Variants in STOML3 observed in about 807,000 individuals in gnomAD.
STOML3 encodes the protein stomatin-like protein 3.
A neutral mutation model predicts 29.5 loss-of-function variants in STOML3; 31 were observed. That is an observed-to-expected ratio of 1.05 (90% CI 0.79 to 1.42). The LOEUF is 1.42. Among genes scored for constraint, STOML3 ranks in the 40% most tolerant of loss-of-function variants. The pLI is 0.00. For missense variants in STOML3, 380 were observed against 363.0 expected, an observed-to-expected ratio of 1.05 and a Z score of -0.38; for synonymous variants, 122 against 139.8, an observed-to-expected ratio of 0.87 and a Z score of 0.90.
At chr13:38,971,992 A>C (rs967050229) in intron 4 of STOML3, among the ~76,000 whole-genome samples, 2 of 152,196 alleles carry the variant, frequency 1.3e-5, no homozygotes, top group African/African-American at 4.8e-5. Context: ...GGCCCTGTAC[A>C]GCCTCTCCTC....
At position 38,980,177 on chromosome 13, in the gene STOML3, A is replaced by T. The variant is rs374015925; in HGVS notation, c.53-3380T>A. ...AAGAGAATGTGACTATTCTTCCAAG[A>T]TTTACACTGGAGCATTAGAATCACC... On this transcript the variant is annotated intron_variant, in intron 1 of 6. Coordinates refer to ENST00000379631, the MANE Select transcript of STOML3 (RefSeq NM_145286.3). 2.7e-5 allele frequency: 42 copies of T among 1,528,324 alleles called. No homozygotes were observed. In the East Asian group the frequency reaches 3.7e-4, roughly 13 times the overall value. The allele number at this position is 1,528,324 out of a possible 1,614,324, so 94.7% of individuals were successfully genotyped here.
At chr13:38,983,038 C>A (rs1211444551) in intron 1 of STOML3, among the ~76,000 whole-genome samples, 1 of 152,150 alleles carries the variant, frequency 6.6e-6, no homozygotes, top group African/African-American at 2.4e-5. Context: ...CCCTATCCCT[C>A]TGTTACATGA....
At chr13:38,973,566 G>A (rs1467902725) in intron 3 of STOML3, among the ~76,000 whole-genome samples, 1 of 152,070 alleles carries the variant, frequency 6.6e-6, no homozygotes, top group African/African-American at 2.4e-5. Flanking sequence ...AATTCCACTC[G>A]TGAGGGTGAT....
At chr13:38,988,389 TATATTTTATATAAAATATATG>T (rs1386884672) in intron 1 of STOML3, among the ~76,000 whole-genome samples, 36 of 92,474 alleles carry the variant, frequency 3.9e-4, no homozygotes, top group East Asian at 1.5e-3. Context: ...TTTTATATCA[TATATTTTATATAAAATATATG>T]ATATTTTATA....
rs377321186 is a variant in STOML3 at position 38,975,038 on chromosome 13, T to C, written c.229+1502A>G. ...TGAAATTAGACAAGTAAGATTATACTTGAAATGGCTGCTGGGCGTGGTGGC... is the reference window on the plus strand; with the variant it reads ...TGAAATTAGACAAGTAAGATTATACCTGAAATGGCTGCTGGGCGTGGTGGC... On this transcript the variant is annotated intron_variant, in intron 3 of 6. Coordinates refer to ENST00000379631, the MANE Select transcript of STOML3 (RefSeq NM_145286.3). Among the ~76,000 whole-genome samples, 245 of 152,208 alleles carry C rather than the reference T, an allele frequency of 1.6e-3. 2 individuals are homozygous for C. Among genetic ancestry groups the C allele is most frequent in the Non-Finnish European group, 5.0e-4 (34 of 67,996 alleles).
chr13:38,973,410 A>T (rs1164047836), intron 3 of STOML3, among the ~76,000 whole-genome samples: 1 of 152,220 alleles, frequency 6.6e-6, no homozygotes, highest in Non-Finnish European at 1.5e-5. Flanking sequence ...AGTTTATTTC[A>T]TATAGTTCTG....
intron 1 of STOML3, among the ~76,000 whole-genome samples, chr13:38,979,118 A>G (rs1443966493): frequency 6.6e-6 from 1 of 152,198 alleles, no homozygotes; most frequent in Non-Finnish European, 1.5e-5. Context: ...GGCCTTTTAT[A>G]TGCTCCAAAT....
chr13:38,976,221 C>T lies in STOML3; in HGVS notation c.229+319G>A, dbSNP rs79619970. On this transcript the variant is annotated intron_variant, in intron 3 of 6. Transcript: ENST00000379631. Reference sequence around the variant, plus strand: ...GCCATTTACTTTGCCTCTTATTCTTCCCACATTCTCCTGGTGGCCCTGGTA... The same window carrying T: ...GCCATTTACTTTGCCTCTTATTCTTTCCACATTCTCCTGGTGGCCCTGGTA... Among the ~76,000 whole-genome samples the T allele has an allele frequency of 2.0e-3, 309 of 152,300 alleles. 9 individuals are homozygous for T. In the East Asian group the frequency reaches 0.055, roughly 27 times the overall value.
At chr13:38,979,773 A>T (rs1355750574) in intron 1 of STOML3, among the ~76,000 whole-genome samples, 5 of 152,162 alleles carry the variant, frequency 3.3e-5, no homozygotes, top group Admixed American at 3.3e-4. Context: ...GCTAATATGC[A>T]TCTTTATAAA....
At chr13:38,983,448 G>A (rs6563661) in intron 1 of STOML3, among the ~76,000 whole-genome samples, 44,691 of 151,894 alleles carry the variant, frequency 0.29, 8,612 homozygotes, top group African/African-American at 0.55. Context: ...TTACCAAATC[G>A]GATTCTAAAT....
At chr13:38,987,971 T>G (rs1189497758) in intron 1 of STOML3, among the ~76,000 whole-genome samples, 1 of 75,282 alleles carries the variant, frequency 1.3e-5, no homozygotes, top group Non-Finnish European at 2.1e-5. Context: ...TATAATATAT[T>G]ATATGTTATA....
rs746688340 is a variant in STOML3, at chr13:38,966,877, C to A, written c.824G>T (p.Gly275Val). 6.2e-7 allele frequency: 1 copy of A among 1,613,644 alleles called. No individual in the cohort carries two copies. Among genetic ancestry groups the A allele is most frequent in the African/African-American group, 1.3e-5 (1 of 74,802 alleles). Residue 275 changes from glycine (G) to valine (V), a missense_variant, in exon 7 of 7, where the codon GGC becomes GTC. Coordinates refer to ENST00000379631, the MANE Select transcript of STOML3 (RefSeq NM_145286.3). ...VFPLPMNILE[G>V]IGGVSYDNHK... ...GTTATCATAGCTGACGCCACCAATG[C>A]CCTCTAGTATATTCATGGGCAGAGG...
At chr13:38,967,093 C>G (rs1566202043) in intron 6 of STOML3, 44 bp from the exon 7 acceptor site, 1 of 1,557,034 alleles carries the variant, frequency 6.4e-7, no homozygotes, top group Admixed American at 1.8e-5. Context: ...AAAGTTTACA[C>G]TATAACTAGT....
In STOML3 at chr13:38,972,526, T is replaced by C; in HGVS notation, c.298A>G (p.Ile100Val). 6.2e-7 allele frequency: 1 copy of C among 1,614,018 alleles called. No homozygotes were observed. The highest frequency in any genetic ancestry group is 2.2e-5 in the East Asian group (1 of 44,866). ...KVDLRTVTCN[I>V]PPQEILTRDS... ...ATCAGTACTACCTCTTGTGGAGGAA[T>C]GTTGCAAGTAACTGTTCGGAGGTCA... Residue 100 changes from isoleucine (I) to valine (V), a missense_variant, in exon 4 of 7, where the codon ATT (isoleucine) becomes GTT (valine). By Grantham distance (29) the Ile-to-Val change is conservative. Coordinates refer to ENST00000379631, the MANE Select transcript of STOML3 (RefSeq NM_145286.3).
At chr13:38,972,466 A>G in intron 4 of STOML3, 46 bp downstream of exon 4, 1 of 1,561,924 alleles carries the variant, frequency 6.4e-7, no homozygotes, top group Non-Finnish European at 8.8e-7. Context: ...TATAATAGAG[A>G]AAATACAAGT....
intron 3 of STOML3, among the ~76,000 whole-genome samples, chr13:38,973,448 C>G (rs140832098): frequency 6.6e-6 from 1 of 152,150 alleles, no homozygotes; most frequent in Non-Finnish European, 1.5e-5. Context: ...GATCAAGATG[C>G]TCATAGATGC....
At chr13:38,989,548 G>C (rs926272330) in intron 1 of STOML3, among the ~76,000 whole-genome samples, 1 of 151,450 alleles carries the variant, frequency 6.6e-6, no homozygotes, top group African/African-American at 2.4e-5. Flanking sequence ...TGTCACCCAG[G>C]CTGGAGTACA....
intron 1 of STOML3, among the ~76,000 whole-genome samples, chr13:38,979,692 C>A (rs1881208000): frequency 6.6e-6 from 1 of 152,164 alleles, no homozygotes; most frequent in Non-Finnish European, 1.5e-5. Flanking sequence ...TCCTATTGAT[C>A]ATTAAGGTTA....
chr13:38,970,054 A>T, intron 5 of STOML3, 131 bp downstream of exon 5: 1 of 713,926 alleles, frequency 1.4e-6, no homozygotes, highest in Non-Finnish European at 2.3e-6. Flanking sequence ...CCTCTAGAGC[A>T]GTTGTCTGTG....
Sources: gnomAD v4.1 joint callset for allele counts (sites outside exome capture counted in the v4.1 genomes callset) on GRCh38, gnomAD v4.1.1 for gene constraint, MANE v1.5 for transcripts, NCBI Gene and HGNC (gene_info 2026-07-23, HGNC 2026-07-21) for gene names.